ITPRIP: variants seen among roughly 807,000 people sequenced by gnomAD.
ITPRIP encodes inositol 1,4,5-trisphosphate receptor interacting protein, also known as inositol 1,4,5-trisphosphate receptor-interacting protein.
Under a neutral mutation model 35.8 loss-of-function variants are expected in ITPRIP, and 32 were observed. The ratio of observed to expected loss-of-function variants is 0.89; its 90% CI spans 0.68 to 1.20. The LOEUF is 1.20. Ranked by LOEUF, ITPRIP falls within the 50% of genes most tolerant of loss-of-function variation. The probability of loss-of-function intolerance (pLI) is 0.00; values close to 1 mark genes in which losing one functional copy is unlikely to be tolerated. For synonymous variants in ITPRIP, 358 were observed against 324.0 expected (o/e 1.11, Z -1.13); for missense variants, 653 against 735.6 (o/e 0.89, Z 1.30).
At chr10:104,335,925 T>A (rs2014224848) in intron 1 of ITPRIP, among the ~76,000 whole-genome samples, 1 of 142,018 alleles carries the variant, frequency 7.0e-6, no homozygotes, top group Non-Finnish European at 1.6e-5. Context: ...GGCTAAGTAC[T>A]TTTGGGGAAA....
chr10:104,335,274 A>T lies in ITPRIP; in HGVS notation c.-14+2972T>A, dbSNP rs2014214743. ...TCATGTATATGGAACTGTGAAATGGAGTTTCAGGAAGGGTTCTTGGACGAA... is the reference window on the plus strand; with the variant it reads ...TCATGTATATGGAACTGTGAAATGGTGTTTCAGGAAGGGTTCTTGGACGAA... On this transcript the variant is annotated intron_variant, in intron 1 of 1. Coordinates refer to ENST00000337478, the MANE Select transcript of ITPRIP (RefSeq NM_001272013.2). Among the ~76,000 whole-genome samples the T allele has an allele frequency of 5.3e-5, 8 of 152,296 alleles. No individual in the cohort carries two copies. In the South Asian group the frequency reaches 1.7e-3, roughly 32 times the overall value.
chr10:104,335,039 A>C (rs946686113), intron 1 of ITPRIP, among the ~76,000 whole-genome samples: 8 of 152,220 alleles, frequency 5.3e-5, no homozygotes, highest in Non-Finnish European at 1.0e-4. Context: ...GGCACAGCTA[A>C]GAGCCATGCC....
At chr10:104,334,040 C>T (rs1342963917) in intron 1 of ITPRIP, 2 of 152,236 alleles carry the variant, frequency 1.3e-5, no homozygotes, top group African/African-American at 4.8e-5. Flanking sequence ...AGAATCAAGG[C>T]ACCTGCCCAA....
At chr10:104,330,502 C>G (rs2014128206) in intron 1 of ITPRIP, among the ~76,000 whole-genome samples, 1 of 152,178 alleles carries the variant, frequency 6.6e-6, no homozygotes, top group Non-Finnish European at 1.5e-5. Context: ...AGGAATGAAC[C>G]CTGACACGTT....
chr10:104,322,568 G>A (rs1191171191), intron 1 of ITPRIP, among the ~76,000 whole-genome samples: 2 of 152,220 alleles, frequency 1.3e-5, no homozygotes, highest in Admixed American at 6.5e-5. Context: ...GCTTATGTCT[G>A]AGAACCATCC....
Position 104,328,419 on chromosome 10 carries a change from A to G in ITPRIP, c.-14+9827T>C, listed in dbSNP as rs2014077373. Among the ~76,000 whole-genome samples the G allele has an allele frequency of 6.6e-6, 1 of 151,980 alleles. No individual in the cohort carries two copies. The highest frequency in any genetic ancestry group is 6.6e-5 in the Admixed American group (1 of 15,258). Reference sequence around the variant, plus strand: ...TTTCTCTCTCTCCACCCCATGATCTACACACCCCCTGCCTCCAAGCAGAGC... The same window carrying G: ...TTTCTCTCTCTCCACCCCATGATCTGCACACCCCCTGCCTCCAAGCAGAGC... On this transcript the variant is annotated intron_variant, in intron 1 of 1. Coordinates refer to ENST00000337478, the MANE Select transcript of ITPRIP (RefSeq NM_001272013.2). The surrounding 1 kb of genome is among the most constrained non-coding windows in gnomAD (Gnocchi z 4.1).
At chr10:104,338,207 C>T (rs995760461) in intron 1 of ITPRIP, 39 bp downstream of exon 1, 1 of 153,140 alleles carries the variant, frequency 6.5e-6, no homozygotes, top group Non-Finnish European at 1.5e-5. Context: ...TCCATCGCGC[C>T]CTTCTTCCTT....
chr10:104,338,101 C>T (rs1208037559), intron 1 of ITPRIP, 145 bp downstream of exon 1: 2 of 152,682 alleles, frequency 1.3e-5, no homozygotes, highest in Non-Finnish European at 2.9e-5. Context: ...AAAGTCAGCC[C>T]CCACCCGGGA....
Position 104,315,870 on chromosome 10 carries a change from C to T in ITPRIP, c.182G>A (p.Arg61Gln), listed in dbSNP as rs551428665. The change falls in exon 2 of 2, where the codon CGG becomes CAG. Residue 61 changes from arginine to glutamine, a missense_variant. Physicochemically the swap from Arg to Gln is conservative, Grantham distance 43. Coordinates refer to ENST00000337478, the MANE Select transcript of ITPRIP (RefSeq NM_001272013.2). The surrounding 1 kb of genome is among the most constrained non-coding windows in gnomAD (Gnocchi z 5.7). The stretch of plus-strand genomic sequence containing the variant: ...CAGTGCCTCCTTTTCGGCCGCCAGC[C>T]GAGCCACCTCCTCCTCCAGGCGCAA... ...EQLRLEEEVARLAAEKEALEQ... is the reference protein window; with the variant it reads ...EQLRLEEEVAQLAAEKEALEQ... The T allele has an allele frequency of 4.3e-6, 7 of 1,613,326 alleles. No homozygotes were observed. The highest frequency in any genetic ancestry group is 4.0e-5 in the African/African-American group (3 of 75,062).
intron 1 of ITPRIP, among the ~76,000 whole-genome samples, chr10:104,316,593 C>G (rs1589888094): frequency 6.6e-6 from 1 of 152,016 alleles, no homozygotes; most frequent in Non-Finnish European, 1.5e-5. Flanking sequence ...AGTGGGCTCT[C>G]GGGAAGGGAG....
intron 1 of ITPRIP, among the ~76,000 whole-genome samples, chr10:104,329,641 C>G (rs2014109368): frequency 6.6e-6 from 1 of 152,132 alleles, no homozygotes; most frequent in Non-Finnish European, 1.5e-5. Flanking sequence ...GAGAAAGAAA[C>G]AGCCCAAAGC....
In ITPRIP at chr10:104,315,890, G is replaced by C. The variant is rs765764052; in HGVS notation, c.162C>G (p.Arg54=). The part of the protein sequence containing the change: ...HQEKLQLEQL[R]LEEEVARLAA... ...CCAGCCGAGCCACCTCCTCCTCCAG[G>C]CGCAACTGCTCCAGCTGCAGCTTCT... The change falls in exon 2 of 2, where the codon CGC becomes CGG. Residue 54 remains arginine (R), a synonymous_variant. Coordinates refer to ENST00000337478, the MANE Select transcript of ITPRIP (RefSeq NM_001272013.2). This position sits in a 1 kb window ranked among gnomAD's most constrained non-coding sequence, Gnocchi z 5.7. The C allele has an allele frequency of 4.3e-6, 7 of 1,613,640 alleles. No homozygotes were observed. Among genetic ancestry groups the C allele is most frequent in the Non-Finnish European group, 8.5e-7 (1 of 1,179,940 alleles).
chr10:104,320,882 T>A (rs889602572), intron 1 of ITPRIP, among the ~76,000 whole-genome samples: 1 of 152,168 alleles, frequency 6.6e-6, no homozygotes, highest in Non-Finnish European at 1.5e-5. Context: ...CCCAACTGTC[T>A]GGGGCACATA....
At chr10:104,322,832 C>T (rs774112294) in intron 1 of ITPRIP, among the ~76,000 whole-genome samples, 1 of 152,146 alleles carries the variant, frequency 6.6e-6, no homozygotes, top group Non-Finnish European at 1.5e-5. Context: ...TTAGCCGAGG[C>T]CTTGGGGGTG....
chr10:104,329,406 A>T (rs1200689325), intron 1 of ITPRIP, among the ~76,000 whole-genome samples: 2 of 152,172 alleles, frequency 1.3e-5, no homozygotes, highest in Non-Finnish European at 2.9e-5. Context: ...GGATTGCACA[A>T]AACAACCCTA....
intron 1 of ITPRIP, among the ~76,000 whole-genome samples, chr10:104,329,091 ACT>A (rs1472885812): frequency 6.0e-5 from 9 of 151,136 alleles, no homozygotes; most frequent in Non-Finnish European, 1.0e-4. Flanking sequence ...GCACACACAC[ACT>A]CTCCCTGCAA....
At chr10:104,322,434 T>G (rs1424601301) in intron 1 of ITPRIP, among the ~76,000 whole-genome samples, 1 of 152,230 alleles carries the variant, frequency 6.6e-6, no homozygotes, top group Non-Finnish European at 1.5e-5. Flanking sequence ...GCAGCAACAG[T>G]GCCACCTGGC....
At chr10:104,329,058 C>CACAT (rs1322412816) in intron 1 of ITPRIP, 2 of 152,276 alleles carry the variant, frequency 1.3e-5, no homozygotes, top group African/African-American at 4.8e-5. Context: ...CACACACACA[C>CACAT]ACACACACAT....
intron 1 of ITPRIP, among the ~76,000 whole-genome samples, chr10:104,319,328 T>C (rs2013782227): frequency 6.6e-6 from 1 of 152,212 alleles, no homozygotes; most frequent in African/African-American, 2.4e-5. Context: ...AGGCTTCTGC[T>C]TTCTCACCTG....
Sources: allele counts gnomAD v4.1 joint callset (sites outside exome capture counted in the v4.1 genomes callset), GRCh38; gene constraint gnomAD v4.1.1; non-coding constraint Gnocchi (gnomAD v3.1); transcripts MANE v1.5; gene names NCBI Gene and HGNC (gene_info 2026-07-23, HGNC 2026-07-21).